Variants in TAF4 observed in about 807,000 individuals in gnomAD.
TAF4 encodes the protein transcription initiation factor TFIID subunit 4.
TAF4 carries 9 observed loss-of-function variants against 90.3 expected under a neutral mutation model. The ratio of observed to expected loss-of-function variants is 0.10; its 90% confidence interval spans 0.06 to 0.17. The LOEUF is 0.17. TAF4 is among the 10% of genes least tolerant of loss of function. TAF4 has a pLI of 1.00. For synonymous variants in TAF4, 818 were observed against 638.9 expected (o/e 1.28, Z -4.23); for missense variants, 1,351 against 1,370.7 (o/e 0.99, Z 0.23).
At chr20:62,000,293 T>C (rs761489919) in intron 10 of TAF4, 39 bp from the exon 11 acceptor site, 2 of 1,604,344 alleles carry the variant, frequency 1.2e-6, no homozygotes, top group East Asian at 2.2e-5. Flanking sequence ...TTAAAATCAT[T>C]AAGCACAGTT....
chr20:62,065,695 T>C lies in TAF4; in HGVS notation c.116A>G (p.His39Arg). Residue 39 changes from histidine to arginine, a missense_variant, in exon 1 of 15, where the codon CAC becomes CGC. Physicochemically the swap from His to Arg is conservative, Grantham distance 29. This residue lies in a region of TAF4 where 782 missense variants were observed against 536.6 expected (regional missense o/e 1.46). Coordinates refer to ENST00000252996, the MANE Select transcript of TAF4 (RefSeq NM_003185.4). ...LESQLAASAA[H>R]HHHLAPRTPE... Reference sequence around the variant, plus strand: ...CGTGCGCGGCGCGAGGTGGTGGTGGTGGGCCGCGCTGGCCGCCAGCTGCGA... The same window carrying C: ...CGTGCGCGGCGCGAGGTGGTGGTGGCGGGCCGCGCTGGCCGCCAGCTGCGA... The C allele has an allele frequency of 8.0e-7, 1 of 1,243,078 alleles. No individual in the cohort carries two copies. Among genetic ancestry groups the C allele is most frequent in the Non-Finnish European group, 1.0e-6 (1 of 974,286 alleles). The allele number at this position is 1,243,078 out of a possible 1,614,324, so 77.0% of individuals were successfully genotyped here.
At chr20:62,019,866 G>A (rs928962605) in intron 1 of TAF4, among the ~76,000 whole-genome samples, 2 of 152,194 alleles carry the variant, frequency 1.3e-5, no homozygotes, top group Non-Finnish European at 2.9e-5. Context: ...ACAACCACAC[G>A]GGCACCTGCA....
chr20:62,024,928 G>A (rs1274934849), intron 1 of TAF4, among the ~76,000 whole-genome samples: 1 of 151,554 alleles, frequency 6.6e-6, no homozygotes, highest in African/African-American at 2.4e-5. Flanking sequence ...GCAGACGGAT[G>A]CAAATGAGCA....
chr20:62,036,835 A>G (rs986758302), intron 1 of TAF4, among the ~76,000 whole-genome samples: 2 of 152,204 alleles, frequency 1.3e-5, no homozygotes, highest in African/African-American at 4.8e-5. Context: ...CCAATCCCCA[A>G]GGTGATGGTA....
chr20:62,041,128 C>T (rs919800658), intron 1 of TAF4, among the ~76,000 whole-genome samples: 6 of 152,208 alleles, frequency 3.9e-5, no homozygotes, highest in African/African-American at 7.2e-5. Context: ...TCCACACCGA[C>T]GGCGAGAGGC....
intron 1 of TAF4, among the ~76,000 whole-genome samples, chr20:62,025,034 A>G (rs575061649): frequency 6.6e-6 from 1 of 152,214 alleles, no homozygotes; most frequent in Non-Finnish European, 1.5e-5. Flanking sequence ...GCTAAAACTA[A>G]AAAGATCAGG....
At chr20:61,998,070 C>T (rs560194512) in intron 13 of TAF4, 66 bp downstream of exon 13, 2 of 1,498,228 alleles carry the variant, frequency 1.3e-6, no homozygotes, top group Non-Finnish European at 1.8e-6. Flanking sequence ...TCCTTAGCCC[C>T]CCTCCCGTGG....
chr20:62,060,893 A>C (rs944507098), intron 1 of TAF4, among the ~76,000 whole-genome samples: 2 of 152,202 alleles, frequency 1.3e-5, no homozygotes, highest in Admixed American at 1.3e-4. Flanking sequence ...AGTCTGGATT[A>C]ATGTGTGAAA....
intron 14 of TAF4, among the ~76,000 whole-genome samples, chr20:61,990,735 G>A (rs1467364649): frequency 6.6e-6 from 1 of 152,208 alleles, no homozygotes; most frequent in Non-Finnish European, 1.5e-5. Flanking sequence ...AATCAGTACT[G>A]AGCAGGACAG....
intron 1 of TAF4, among the ~76,000 whole-genome samples, chr20:62,045,328 C>T (rs1268714803): frequency 6.6e-6 from 1 of 152,252 alleles, no homozygotes; most frequent in Non-Finnish European, 1.5e-5. Flanking sequence ...GCCTGCCGTG[C>T]CTGCCCGCTC....
intron 14 of TAF4, among the ~76,000 whole-genome samples, chr20:61,982,046 A>G (rs369741784): frequency 1.1e-4 from 7 of 61,784 alleles, no homozygotes; most frequent in South Asian, 7.0e-4. Flanking sequence ...CACCCCACCC[A>G]AGAGGAGACA....
rs1393392030 is a variant in TAF4, at chr20:62,052,037, A to G, written c.1360+12414T>C. ...ACCACAAGGAAGAGAGATGACAGGA[A>G]GGCCACCTTCCCCTTCTGCGTCCTG... On this transcript the variant is annotated intron_variant, in intron 1 of 14. Coordinates refer to ENST00000252996, the MANE Select transcript of TAF4 (RefSeq NM_003185.4). 2.0e-5 allele frequency among the ~76,000 whole-genome samples: 3 copies of G among 152,164 alleles called. No homozygotes were observed. The East Asian group carries it at 5.8e-4, about 29-fold the overall frequency.
In TAF4 at chr20:61,976,100, T is replaced by G; in HGVS notation, c.*68A>C. 6.5e-7 allele frequency: 1 copy of G among 1,541,606 alleles called. No homozygotes were observed. Among genetic ancestry groups the G allele is most frequent in the Admixed American group, 1.7e-5 (1 of 58,644 alleles). ...AGAGGTGGCTGTTTTTTAAACAATA[T>G]CCCATTTGCTCGTTACAAAAAGGCG... is the stretch of plus-strand genomic sequence containing the variant. On this transcript the variant is annotated 3_prime_UTR_variant, in exon 15 of 15. Transcript: ENST00000252996.
chr20:62,026,376 T>A (rs1467593), intron 1 of TAF4, among the ~76,000 whole-genome samples: 6 of 152,048 alleles, frequency 3.9e-5, no homozygotes, highest in Non-Finnish European at 7.4e-5. Context: ...AGTATCTCAC[T>A]GAGTAGCTCG....
At chr20:62,008,938 G>C (rs959235152) in intron 5 of TAF4, 114 bp downstream of exon 5, 5 of 1,410,348 alleles carry the variant, frequency 3.5e-6, no homozygotes, top group African/African-American at 1.4e-5. Context: ...CAGCCTTCCA[G>C]AGGAGCTCTC....
intron 14 of TAF4, among the ~76,000 whole-genome samples, chr20:61,985,637 C>T (rs888811261): frequency 2.0e-5 from 3 of 151,564 alleles, no homozygotes; most frequent in African/African-American, 7.3e-5. Flanking sequence ...CACAGAAGTA[C>T]ATCTACTGTG....
chr20:61,991,534 G>A (rs560707077), intron 14 of TAF4, among the ~76,000 whole-genome samples: 1 of 152,160 alleles, frequency 6.6e-6, no homozygotes, highest in Non-Finnish European at 1.5e-5. Flanking sequence ...TGGAGGTCGA[G>A]GCTGCAGTGA....
chr20:62,054,134 C>A (rs1316443623), intron 1 of TAF4, among the ~76,000 whole-genome samples: 1 of 152,234 alleles, frequency 6.6e-6, no homozygotes, highest in Admixed American at 6.5e-5. Flanking sequence ...TTGAAAGCCC[C>A]TGTGCTTTAG....
At chr20:62,016,071 G>A (rs879679373) in intron 1 of TAF4, among the ~76,000 whole-genome samples, 16 of 152,200 alleles carry the variant, frequency 1.1e-4, no homozygotes, top group South Asian at 2.1e-4. Context: ...CCAAGGCTCC[G>A]TCTCCGAGTC....
Sources: allele counts gnomAD v4.1 joint callset (sites outside exome capture counted in the v4.1 genomes callset), GRCh38; gene constraint gnomAD v4.1.1; regional missense constraint gnomAD v4.1.1; transcripts MANE v1.5; gene names NCBI Gene and HGNC (gene_info 2026-07-23, HGNC 2026-07-21).